CSMD1: variants seen among roughly 807,000 people sequenced by gnomAD.
CSMD1 encodes the protein CUB and sushi domain-containing protein 1.
CSMD1 carries 213 observed loss-of-function variants against 417.5 expected under a neutral mutation model. The observed-to-expected ratio is 0.51, with a 90% CI of 0.46 to 0.57. The LOEUF (loss-of-function observed/expected upper bound fraction) is 0.57, where lower values mean the gene tolerates loss of function less well. Among genes scored for constraint, CSMD1 ranks in the 20% least tolerant of loss-of-function variants. CSMD1 has a pLI of 0.00. For synonymous variants in CSMD1, 2,862 were observed against 1,736.8 expected, an observed-to-expected ratio of 1.65 and a Z score of -16.11; for missense variants, 6,923 against 4,529.7, an observed-to-expected ratio of 1.53 and a Z score of -15.17.
chr8:4,930,382 C>T (rs1024838825), intron 1 of CSMD1, among the ~76,000 whole-genome samples: 8 of 152,106 alleles, frequency 5.3e-5, no homozygotes, highest in South Asian at 2.1e-4. Flanking sequence ...CACACACACA[C>T]GCATATATAT....
intron 2 of CSMD1, among the ~76,000 whole-genome samples, chr8:4,470,532 A>T (rs1004724173): frequency 6.6e-6 from 1 of 152,230 alleles, no homozygotes; most frequent in African/African-American, 2.4e-5. Flanking sequence ...AAATGAACTC[A>T]GACAAAAATG....
chr8:4,656,054 G>A (rs571812357), intron 1 of CSMD1, among the ~76,000 whole-genome samples: 12 of 152,044 alleles, frequency 7.9e-5, no homozygotes, highest in African/African-American at 2.2e-4. Flanking sequence ...TTATGGAAGA[G>A]AAGAAAATGT....
At chr8:3,622,749 G>C (rs1296348763) in intron 7 of CSMD1, among the ~76,000 whole-genome samples, 1 of 151,552 alleles carries the variant, frequency 6.6e-6, no homozygotes, top group Non-Finnish European at 1.5e-5. Flanking sequence ...CTGACACACT[G>C]TATGTGCAAG....
chr8:3,702,977 G>A (rs1800952151), intron 7 of CSMD1, among the ~76,000 whole-genome samples: 1 of 152,140 alleles, frequency 6.6e-6, no homozygotes, highest in African/African-American at 2.4e-5. Context: ...ATGCCCTTTT[G>A]GAGACATAAT....
intron 10 of CSMD1, among the ~76,000 whole-genome samples, chr8:3,561,888 G>A (rs1053938064): frequency 1.1e-4 from 17 of 152,206 alleles, no homozygotes; most frequent in Non-Finnish European, 1.8e-4. Flanking sequence ...TTCACAGACA[G>A]AGGAAGCCAT....
At chr8:3,544,895 GAATT>G (rs1289156475) in intron 10 of CSMD1, among the ~76,000 whole-genome samples, 4 of 152,184 alleles carry the variant, frequency 2.6e-5, no homozygotes, top group East Asian at 1.9e-4. Context: ...TTATTTCTAT[GAATT>G]AATACCAACT....
At position 4,774,410 on chromosome 8, in the gene CSMD1, G is replaced by T. The variant is rs1011271776; in HGVS notation, c.86-136852C>A. Among the ~76,000 whole-genome samples, 4 of 152,000 alleles carry T rather than the reference G, an allele frequency of 2.6e-5. No individual in the cohort carries two copies. The East Asian group carries it at 5.8e-4, about 22-fold the overall frequency. On this transcript the variant is annotated intron_variant, in intron 1 of 69. Coordinates refer to ENST00000635120, the MANE Select transcript of CSMD1 (RefSeq NM_033225.6). Reference sequence around the variant, plus strand: ...ATCCCACCTCCAGTTGGAAACATCCGCATGTAAATGTAAATTAATTATGGT... The same window carrying T: ...ATCCCACCTCCAGTTGGAAACATCCTCATGTAAATGTAAATTAATTATGGT...
intron 25 of CSMD1, among the ~76,000 whole-genome samples, chr8:3,291,764 G>C (rs115222892): frequency 0.02 from 3,089 of 151,790 alleles, 104 homozygotes; most frequent in African/African-American, 0.071. Flanking sequence ...TTGTTGATCT[G>C]TCCAAAAAGT....
chr8:4,736,826 T>C lies in CSMD1; in HGVS notation c.86-99268A>G, dbSNP rs541347487. On this transcript the variant is annotated intron_variant, in intron 1 of 69. Transcript: ENST00000635120. ...GCCTTCACTTCCCCACTGTGCTGTC[T>C]GATTTGTGGGGTAAGAAAATAGCTC... Among the ~76,000 whole-genome samples the C allele has an allele frequency of 4.6e-5, 7 of 152,314 alleles. No homozygotes were observed. In the South Asian group the frequency reaches 1.2e-3, roughly 27 times the overall value.
chr8:2,941,653 T>A (rs568042875), intron 69 of CSMD1, among the ~76,000 whole-genome samples: 117 of 152,344 alleles, frequency 7.7e-4, no homozygotes, highest in African/African-American at 2.6e-3. Flanking sequence ...TGTCCCCAAG[T>A]TTTGACATTT....
intron 3 of CSMD1, among the ~76,000 whole-genome samples, chr8:4,292,137 A>T (rs2128867802): frequency 6.6e-6 from 1 of 152,340 alleles, no homozygotes; most frequent in African/African-American, 2.4e-5. Flanking sequence ...ACAACAAAGA[A>T]ATATGAAAAT....
At chr8:3,927,922 T>G (rs2554663) in intron 5 of CSMD1, among the ~76,000 whole-genome samples, 7 of 151,892 alleles carry the variant, frequency 4.6e-5, no homozygotes, top group Non-Finnish European at 8.8e-5. Context: ...TTACATCAAA[T>G]TCTTTGTTTT....
At chr8:3,007,116 C>G (rs1167613464) in intron 52 of CSMD1, among the ~76,000 whole-genome samples, 1 of 148,644 alleles carries the variant, frequency 6.7e-6, no homozygotes, top group Non-Finnish European at 1.5e-5. Context: ...GGGCAAAGGA[C>G]ATGAACAGAC....
intron 36 of CSMD1, among the ~76,000 whole-genome samples, chr8:3,183,605 G>A (rs1459799850): frequency 6.8e-6 from 1 of 148,020 alleles, no homozygotes; most frequent in Admixed American, 6.8e-5. Context: ...TATCGAGTAG[G>A]TCTCTAATGT....
chr8:3,849,640 A>C (rs969554097), intron 5 of CSMD1, among the ~76,000 whole-genome samples: 2 of 152,164 alleles, frequency 1.3e-5, no homozygotes, highest in Admixed American at 1.3e-4. Context: ...CCTGGGGAAC[A>C]AGGTCGAAGT....
At chr8:4,199,446 A>C (rs1490782634) in intron 3 of CSMD1, among the ~76,000 whole-genome samples, 1 of 152,208 alleles carries the variant, frequency 6.6e-6, no homozygotes, top group South Asian at 2.1e-4. Context: ...AGTCTATTGC[A>C]TCTCAGTTTC....
At chr8:4,476,880 T>C (rs1405524247) in intron 2 of CSMD1, among the ~76,000 whole-genome samples, 8 of 152,132 alleles carry the variant, frequency 5.3e-5, no homozygotes, top group Admixed American at 3.9e-4. Flanking sequence ...TACAGGCTTT[T>C]TTGTGAAGGA....
At chr8:4,428,638 C>T (rs546931730) in intron 2 of CSMD1, among the ~76,000 whole-genome samples, 9 of 152,020 alleles carry the variant, frequency 5.9e-5, no homozygotes, top group Admixed American at 1.3e-4. Context: ...ACGGAAACTA[C>T]AGAACTTTTA....
intron 23 of CSMD1, among the ~76,000 whole-genome samples, chr8:3,311,599 G>T (rs1034323804): frequency 1.3e-5 from 2 of 152,212 alleles, no homozygotes; most frequent in Non-Finnish European, 2.9e-5. Context: ...ATTTGTGCTA[G>T]TATTGAATAC....
Sources: allele counts gnomAD v4.1 joint callset (sites outside exome capture counted in the v4.1 genomes callset), GRCh38; gene constraint gnomAD v4.1.1; transcripts MANE v1.5; gene names NCBI Gene and HGNC (gene_info 2026-07-23, HGNC 2026-07-21).